Variants in SOX6 observed in about 807,000 individuals in gnomAD.
SOX6 encodes the protein transcription factor SOX-6.
SOX6 carries 11 observed loss-of-function variants against 97.8 expected under a neutral mutation model. That is an observed-to-expected ratio of 0.11 (90% CI 0.07 to 0.19). SOX6 has a LOEUF of 0.19. SOX6 is among the 10% of genes least tolerant of loss of function. The pLI is 1.00. For missense variants in SOX6, 810 were observed against 1,039.5 expected (o/e 0.78, Z 3.04); for synonymous variants, 360 against 371.4 (o/e 0.97, Z 0.35).
intron 7 of SOX6, chr11:16,110,469 G>A (rs1849201488): frequency 6.6e-6 from 1 of 151,680 alleles, no homozygotes; most frequent in Admixed American, 6.6e-5. Flanking sequence ...TGTCATAGTA[G>A]CTAAGTATAC....
At chr11:16,294,022 A>T (rs1056684147) in intron 3 of SOX6, among the ~76,000 whole-genome samples, 9 of 151,202 alleles carry the variant, frequency 6.0e-5, no homozygotes, top group Non-Finnish European at 8.9e-5. Flanking sequence ...AGCATCAATT[A>T]AAAAAAAAGC....
At position 16,049,777 on chromosome 11, in the gene SOX6, G is replaced by T; in HGVS notation, c.1413C>A (p.Ser471Arg). ...TACCTAAAGAGGATCCTCTTCCCAG[G>T]CTTCCTCCAATGGGGCTAGGGATGC... The part of the protein sequence containing the change: ...KSSIPSPIGG[S>R]LGRGSSLDIL... The change falls in exon 11 of 16, where the codon AGC (serine) becomes AGA (arginine). Residue 471 changes from serine to arginine, a missense_variant. Ser to Arg is a moderately radical substitution (Grantham distance 110). Coordinates refer to ENST00000683767, the MANE Select transcript of SOX6 (RefSeq NM_001367873.1). 6.2e-7 allele frequency: 1 copy of T among 1,613,468 alleles called. No homozygotes were observed.
At chr11:16,256,586 T>G (rs937294224) in intron 3 of SOX6, among the ~76,000 whole-genome samples, 1 of 151,928 alleles carries the variant, frequency 6.6e-6, no homozygotes, top group Non-Finnish European at 1.5e-5. Context: ...TAAAAAACAT[T>G]GAGCTAACAT....
intron 4 of SOX6, among the ~76,000 whole-genome samples, chr11:16,211,755 A>T (rs1852240358): frequency 6.6e-6 from 1 of 152,188 alleles, no homozygotes; most frequent in African/African-American, 2.4e-5. Flanking sequence ...CCCAACTGGA[A>T]GTCAAAGAGA....
intron 1 of SOX6, among the ~76,000 whole-genome samples, chr11:16,437,626 A>ATTC (rs1325314710): frequency 6.6e-6 from 1 of 152,224 alleles, no homozygotes; most frequent in East Asian, 1.9e-4. Flanking sequence ...TTCAGGACCC[A>ATTC]TAGCATTCTA....
chr11:16,292,649 A>AGCCT (rs1177255172), intron 3 of SOX6, among the ~76,000 whole-genome samples: 1 of 152,198 alleles, frequency 6.6e-6, no homozygotes, highest in Non-Finnish European at 1.5e-5. Context: ...CATATGTCCA[A>AGCCT]GCCTGCGGTG....
intron 1 of SOX6, among the ~76,000 whole-genome samples, chr11:16,413,538 T>TA (rs34904969): frequency 6.9e-6 from 1 of 144,718 alleles, no homozygotes; most frequent in African/African-American, 2.7e-5. Flanking sequence ...TTTTTTTTTT[T>TA]AGATGGAGTT....
intron 1 of SOX6, among the ~76,000 whole-genome samples, chr11:16,400,917 T>C (rs1202601232): frequency 1.5e-4 from 22 of 151,498 alleles, no homozygotes; most frequent in Admixed American, 1.4e-3. Flanking sequence ...TCTAAATACT[T>C]TCTGAATGGT....
chr11:16,650,395 A>C (rs1290840937), intron 3 of SOX6, among the ~76,000 whole-genome samples: 1 of 152,152 alleles, frequency 6.6e-6, no homozygotes, highest in Non-Finnish European at 1.5e-5. Context: ...AGTCTCAGTA[A>C]ATTTAAGAAA....
At chr11:16,048,787 T>G (rs1431442749) in intron 11 of SOX6, among the ~76,000 whole-genome samples, 1 of 152,098 alleles carries the variant, frequency 6.6e-6, no homozygotes, top group Non-Finnish European at 1.5e-5. Flanking sequence ...CTTTAATCTT[T>G]AAATCTGTGT....
chr11:16,475,153 T>C (rs997304620), intron 1 of SOX6, among the ~76,000 whole-genome samples: 2 of 152,256 alleles, frequency 1.3e-5, no homozygotes, highest in Admixed American at 1.3e-4. Flanking sequence ...GGGAATGTTG[T>C]GGCTCATTTG....
Position 16,014,923 on chromosome 11 carries a change from C to T in SOX6, c.1732+19G>A. 1 of 1,605,562 alleles carries T rather than the reference C, an allele frequency of 6.2e-7. No individual in the cohort carries two copies. Among genetic ancestry groups the T allele is most frequent in the Non-Finnish European group, 8.5e-7 (1 of 1,172,744 alleles). ...AAACACATGGAGCAGCAGAAAAGAA[C>T]TAGAGAAAAGCCACTCACCCTCTGC... is the stretch of plus-strand genomic sequence containing the variant. On this transcript the variant is annotated intron_variant, in intron 13 of 15. Coordinates refer to ENST00000683767, the MANE Select transcript of SOX6 (RefSeq NM_001367873.1).
chr11:16,016,078 G>A (rs1254495648), intron 12 of SOX6, among the ~76,000 whole-genome samples: 2 of 152,034 alleles, frequency 1.3e-5, no homozygotes, highest in African/African-American at 4.8e-5. Context: ...TACTGAGCAT[G>A]TTCGGCATTA....
At chr11:16,597,278 CA>C (rs1241348747) in intron 4 of SOX6, among the ~76,000 whole-genome samples, 3 of 151,588 alleles carry the variant, frequency 2.0e-5, no homozygotes, top group African/African-American at 7.3e-5. Context: ...CACCGTTATC[CA>C]GAACTGTTCT....
chr11:16,533,858 A>C (rs2133171446), intron 4 of SOX6, among the ~76,000 whole-genome samples: 1 of 152,216 alleles, frequency 6.6e-6, no homozygotes, highest in African/African-American at 2.4e-5. Flanking sequence ...TTCACATAAA[A>C]ATAAAGTTCA....
chr11:16,127,253 A>G (rs16932585), intron 6 of SOX6, among the ~76,000 whole-genome samples: 12,346 of 152,090 alleles, frequency 0.081, 1,050 homozygotes, highest in East Asian at 0.37. Flanking sequence ...TCAAGTGATC[A>G]TGAATTACTT....
chr11:15,974,048 A>T (rs1016747821), intron 15 of SOX6, among the ~76,000 whole-genome samples: 1 of 152,242 alleles, frequency 6.6e-6, no homozygotes, highest in African/African-American at 2.4e-5. Context: ...TATTATTTTC[A>T]TATATGCAAT....
Position 16,072,350 on chromosome 11 carries a change from C to A in SOX6, c.1102-16449G>T, listed in dbSNP as rs553160879. Among the ~76,000 whole-genome samples the A allele has an allele frequency of 9.2e-5, 14 of 152,200 alleles. No homozygotes were observed. In the South Asian group the frequency reaches 2.9e-3, roughly 31 times the overall value. On this transcript the variant is annotated intron_variant, in intron 9 of 15. Transcript: ENST00000683767. ...CCAAGTTGAGGAAAGAAACTCAGAG[C>A]TTCAGGACTGCTTCTCTAAAATAAC...
At chr11:16,552,971 A>G (rs2133186060) in intron 4 of SOX6, among the ~76,000 whole-genome samples, 1 of 152,354 alleles carries the variant, frequency 6.6e-6, no homozygotes, top group East Asian at 1.9e-4. Flanking sequence ...TATTTGATAA[A>G]TAACATTATG....
Sources: allele counts gnomAD v4.1 joint callset (sites outside exome capture counted in the v4.1 genomes callset), GRCh38; gene constraint gnomAD v4.1.1; transcripts MANE v1.5; gene names NCBI Gene and HGNC (gene_info 2026-07-23, HGNC 2026-07-21).